USH2A: variants seen among roughly 807,000 people sequenced by gnomAD.
The protein encoded by USH2A is usherin, also known as Usher syndrome 2A (autosomal recessive, mild).
Under a neutral mutation model 538.9 loss-of-function variants are expected in USH2A, and 443 were observed. That is an observed-to-expected ratio of 0.82 (90% CI 0.76 to 0.89). The LOEUF is 0.89. USH2A is among the 40% of genes least tolerant of loss of function. The pLI is 0.00. For missense variants in USH2A, 6,633 were observed against 6,324.8 expected (o/e 1.05, Z -1.65); for synonymous variants, 2,413 against 2,273.5 (o/e 1.06, Z -1.75).
intron 14 of USH2A, among the ~76,000 whole-genome samples, chr1:216,219,195 G>A (rs759233528): frequency 3.3e-5 from 5 of 151,948 alleles, no homozygotes; most frequent in Admixed American, 1.3e-4. Flanking sequence ...GCCAAAGCAC[G>A]CAATGTTTTG....
At chr1:215,753,649 C>T (rs1042820508) in intron 58 of USH2A, among the ~76,000 whole-genome samples, 13 of 151,172 alleles carry the variant, frequency 8.6e-5, no homozygotes, top group East Asian at 5.9e-4. Context: ...CATCACATAC[C>T]GGGGCCTGTT....
chr1:216,158,022 C>T (rs1331935085), intron 21 of USH2A, among the ~76,000 whole-genome samples: 1 of 152,108 alleles, frequency 6.6e-6, no homozygotes, highest in Non-Finnish European at 1.5e-5. Flanking sequence ...TTCTTTTACT[C>T]ACTAACAGGT....
intron 5 of USH2A, 74 bp downstream of exon 5, chr1:216,327,517 A>T: frequency 6.6e-7 from 1 of 1,520,976 alleles, no homozygotes; most frequent in South Asian, 1.1e-5. Flanking sequence ...TATAATCTAC[A>T]TAGTATTCTT....
At chr1:216,373,686 T>C (rs1210905423) in intron 3 of USH2A, among the ~76,000 whole-genome samples, 1 of 152,176 alleles carries the variant, frequency 6.6e-6, no homozygotes, top group Non-Finnish European at 1.5e-5. Flanking sequence ...TTAAAGCCCA[T>C]TCAAGTTTTG....
At chr1:216,183,831 G>A (rs1331242653) in intron 20 of USH2A, among the ~76,000 whole-genome samples, 2 of 151,850 alleles carry the variant, frequency 1.3e-5, no homozygotes, top group Non-Finnish European at 2.9e-5. Context: ...CTAAATGTGC[G>A]GTTCTTTCCT....
At chr1:215,702,492 A>G (rs1049405509) in intron 61 of USH2A, among the ~76,000 whole-genome samples, 18 of 152,010 alleles carry the variant, frequency 1.2e-4, no homozygotes, top group Non-Finnish European at 2.2e-4. Flanking sequence ...ACATAGCCCC[A>G]TATTTCTTGG....
intron 20 of USH2A, among the ~76,000 whole-genome samples, chr1:216,187,956 T>C (rs2034641309): frequency 6.6e-6 from 1 of 151,910 alleles, no homozygotes; most frequent in African/African-American, 2.4e-5. Context: ...CCCTCACATA[T>C]ATGAATAAAC....
At chr1:215,877,229 G>A (rs1182716616) in intron 43 of USH2A, among the ~76,000 whole-genome samples, 1 of 152,156 alleles carries the variant, frequency 6.6e-6, no homozygotes, top group Admixed American at 6.6e-5. Context: ...ACTCTCCCAT[G>A]TAGCACCCTT....
intron 19 of USH2A, among the ~76,000 whole-genome samples, chr1:216,191,121 T>C (rs1412256989): frequency 1.3e-5 from 2 of 152,024 alleles, no homozygotes; most frequent in Non-Finnish European, 2.9e-5. Context: ...AAAGCAACCA[T>C]GTAAATTTGT....
At chr1:216,081,163 T>C (rs1270136482) in intron 26 of USH2A, among the ~76,000 whole-genome samples, 4 of 152,068 alleles carry the variant, frequency 2.6e-5, no homozygotes, top group Non-Finnish European at 5.9e-5. Flanking sequence ...TGAAGCCCAA[T>C]ACAAGACACA....
rs116537881 is a variant in USH2A at position 215,970,047 on chromosome 1, T to C, written c.6957+578A>G. The stretch of plus-strand genomic sequence containing the variant: ...AGAAAACATAATCTTGTCAAGCTGT[T>C]AACTGCTAATGAAATATAGATATAC... On this transcript the variant is annotated intron_variant, in intron 36 of 71. Transcript: ENST00000307340. Among the ~76,000 whole-genome samples the C allele has an allele frequency of 9.7e-3, 1,483 of 152,272 alleles. 29 individuals are homozygous for C. The highest frequency in any genetic ancestry group is 0.034 in the African/African-American group (1,422 of 41,552).
At chr1:215,899,566 T>A (rs1261801555) in intron 40 of USH2A, among the ~76,000 whole-genome samples, 1 of 152,208 alleles carries the variant, frequency 6.6e-6, no homozygotes, top group Non-Finnish European at 1.5e-5. Context: ...GAAATCTTAA[T>A]CCACCTTTTG....
chr1:216,011,366 T>C (rs1399568703), intron 32 of USH2A, among the ~76,000 whole-genome samples: 2 of 152,146 alleles, frequency 1.3e-5, no homozygotes, highest in Non-Finnish European at 2.9e-5. Flanking sequence ...ACTTCAAAGC[T>C]TCACAGATAG....
intron 64 of USH2A, among the ~76,000 whole-genome samples, chr1:215,663,220 G>A (rs995858654): frequency 6.6e-6 from 1 of 152,096 alleles, no homozygotes; most frequent in East Asian, 1.9e-4. Context: ...TTACAGTCTT[G>A]AATGAAAGTT....
chr1:216,050,604 CTTTTTTTTTTTTTTTT>C (rs746265112), intron 30 of USH2A, among the ~76,000 whole-genome samples: 5 of 68,560 alleles, frequency 7.3e-5, no homozygotes, highest in African/African-American at 2.7e-4. Context: ...TTCTTTCTTT[CTTTTTTTTTTTTTTTT>C]TTGAGACAGA....
chr1:216,125,912 C>T lies in USH2A; in HGVS notation c.4628-28699G>A, dbSNP rs548465197. ...TCATGTAGACATCATCTAAGAACGC[C>T]GTAGGTCTTTTATCATTATAAGACA... On this transcript the variant is annotated intron_variant, in intron 21 of 71. Coordinates refer to ENST00000307340, the MANE Select transcript of USH2A (RefSeq NM_206933.4). 5.3e-5 allele frequency among the ~76,000 whole-genome samples: 8 copies of T among 152,210 alleles called. 1 individual carries two copies. Among genetic ancestry groups the T allele is most frequent in the Non-Finnish European group, 5.9e-5 (4 of 68,020 alleles).
chr1:215,818,072 T>C (rs1662908958), intron 47 of USH2A, among the ~76,000 whole-genome samples: 2 of 152,000 alleles, frequency 1.3e-5, no homozygotes, highest in African/African-American at 4.8e-5. Flanking sequence ...AGCTTACTTA[T>C]GGTAAGAATA....
intron 3 of USH2A, among the ~76,000 whole-genome samples, chr1:216,389,220 G>A (rs975015392): frequency 1.3e-5 from 2 of 152,114 alleles, no homozygotes; most frequent in African/African-American, 2.4e-5. Context: ...CAAAAAAAGA[G>A]TCTTAAGGAT....
intron 4 of USH2A, among the ~76,000 whole-genome samples, chr1:216,351,173 T>C (rs558827139): frequency 1.3e-5 from 2 of 152,346 alleles, no homozygotes; most frequent in South Asian, 4.1e-4. Context: ...TCTTTTATAT[T>C]ATAGAGGGAA....
Sources: gnomAD v4.1 joint callset for allele counts (sites outside exome capture counted in the v4.1 genomes callset) on GRCh38, gnomAD v4.1.1 for gene constraint, MANE v1.5 for transcripts, NCBI Gene and HGNC (gene_info 2026-07-23, HGNC 2026-07-21) for gene names.